The following PDZD9 variants were observed in gnomAD, a reference collection of about 807,000 sequenced individuals.
PDZD9 encodes PDZ domain containing 9, also known as PDZ domain-containing protein 9.
Under a neutral mutation model 16.3 loss-of-function variants are expected in PDZD9, and 13 were observed. That is an observed-to-expected ratio of 0.80 (90% CI 0.52 to 1.27). The LOEUF (loss-of-function observed/expected upper bound fraction) is 1.27. Among genes scored for constraint, PDZD9 ranks in the 50% most tolerant of loss-of-function variants. The pLI, the probability that PDZD9 is intolerant of heterozygous loss-of-function variation, is 0.00. For missense variants in PDZD9, 288 were observed against 310.9 expected (o/e 0.93, Z 0.55); for synonymous variants, 120 against 111.0 (o/e 1.08, Z -0.51).
At chr16:21,991,235 CTT>C (rs200663594) in intron 2 of PDZD9, among the ~76,000 whole-genome samples, 3 of 144,902 alleles carry the variant, frequency 2.1e-5, no homozygotes, top group Non-Finnish European at 1.5e-5. Flanking sequence ...ACATTAATTT[CTT>C]TTTTTTTTTT....
chr16:21,966,161 T>A, the PDZD9 span, among the ~76,000 whole-genome samples: 141,453 of 150,594 alleles, frequency 0.94, 66,839 homozygotes, highest in Non-Finnish European at 0.98. Context: ...AAAAAAAAAA[T>A]ATATATATAT....
intron 2 of PDZD9, among the ~76,000 whole-genome samples, chr16:21,990,747 C>T (rs1016422130): frequency 3.3e-5 from 5 of 152,218 alleles, no homozygotes; most frequent in African/African-American, 1.2e-4. Flanking sequence ...GCTTGGCATT[C>T]TGCTTAATTA....
downstream of PDZD9, chr16:21,980,431 C>A: frequency 9.3e-7 from 1 of 1,069,704 alleles, no homozygotes; most frequent in Non-Finnish European, 1.3e-6. Flanking sequence ...GAGGGAGACA[C>A]GCTGTTACTC....
chr16:21,983,429 G>A, downstream of PDZD9: 1 of 449,656 alleles, frequency 2.2e-6, no homozygotes, highest in South Asian at 5.7e-5. Flanking sequence ...ATGCTTTAAA[G>A]GAGACAGGAA....
At chr16:21,982,234 G>A (rs1471637875), downstream of PDZD9, among the ~76,000 whole-genome samples, 1 of 152,042 alleles carries the variant, frequency 6.6e-6, no homozygotes, top group Non-Finnish European at 1.5e-5. Flanking sequence ...CTCCTTCATA[G>A]TAATAAGATA....
downstream of PDZD9, among the ~76,000 whole-genome samples, chr16:21,979,899 C>T (rs1898674654): frequency 1.3e-5 from 2 of 152,048 alleles, no homozygotes; most frequent in Admixed American, 1.3e-4. Context: ...CATGACTATA[C>T]CTTGAATTTC....
downstream of PDZD9, chr16:21,983,026 GC>G: frequency 6.9e-7 from 1 of 1,439,052 alleles, no homozygotes; most frequent in South Asian, 1.2e-5. Flanking sequence ...AAATAAGTTC[GC>G]CTGCTTGATG....
chr16:21,960,935 A>T, the PDZD9 span, among the ~76,000 whole-genome samples: 1 of 151,996 alleles, frequency 6.6e-6, no homozygotes, highest in Non-Finnish European at 1.5e-5. Context: ...GGCCCAAGCG[A>T]TTCTTCTCCC....
chr16:21,965,998 A>C, the PDZD9 span, among the ~76,000 whole-genome samples: 3 of 151,926 alleles, frequency 2.0e-5, no homozygotes, highest in African/African-American at 7.3e-5. Context: ...TATCTTTTTT[A>C]AACAGTATTT....
intron 3 of PDZD9, among the ~76,000 whole-genome samples, chr16:21,984,891 G>T (rs1010837628): frequency 2.0e-5 from 3 of 152,102 alleles, no homozygotes; most frequent in African/African-American, 7.2e-5. Flanking sequence ...ACCTTAAAAA[G>T]TTTTGCACAG....
At chr16:21,972,443 T>TC in the PDZD9 span, among the ~76,000 whole-genome samples, 5 of 152,238 alleles carry the variant, frequency 3.3e-5, no homozygotes, top group Non-Finnish European at 7.3e-5. Context: ...AGTCTTTTTT[T>TC]CTAGATTTTC....
chr16:21,962,375 C>T, the PDZD9 span: 4 of 1,501,416 alleles, frequency 2.7e-6, no homozygotes, highest in East Asian at 2.3e-5. Flanking sequence ...ATTTTCTTTC[C>T]AAAGGAATTG....
At chr16:21,977,488 T>C in the PDZD9 span, among the ~76,000 whole-genome samples, 1 of 152,112 alleles carries the variant, frequency 6.6e-6, no homozygotes, top group South Asian at 2.1e-4. Flanking sequence ...CCAAAAAAGA[T>C]CTGATTTTGT....
At chr16:21,976,037 G>A in the PDZD9 span, 105 of 601,594 alleles carry the variant, frequency 1.7e-4, no homozygotes, top group African/African-American at 1.7e-3. Flanking sequence ...ACAGCATTCC[G>A]CATGGACACT....
the PDZD9 span, among the ~76,000 whole-genome samples, chr16:21,961,665 TATA>T: frequency 8.2e-6 from 1 of 121,778 alleles, no homozygotes; most frequent in Non-Finnish European, 1.7e-5. Flanking sequence ...TATATATATA[TATA>T]TTTTAGACAG....
the PDZD9 span, chr16:21,965,444 A>C: frequency 6.2e-7 from 1 of 1,613,966 alleles, no homozygotes; most frequent in Non-Finnish European, 8.5e-7. Flanking sequence ...GCTTACCGGA[A>C]TGCCTTGGCT....
chr16:21,985,597 G>A (rs1433168180), intron 3 of PDZD9, among the ~76,000 whole-genome samples: 1 of 152,150 alleles, frequency 6.6e-6, no homozygotes, highest in East Asian at 1.9e-4. Flanking sequence ...CAGAATGAAT[G>A]CTCTGTCACC....
At chr16:21,968,697 G>A in the PDZD9 span, 17 of 1,601,400 alleles carry the variant, frequency 1.1e-5, 1 homozygote, top group South Asian at 1.0e-4. Context: ...TAAGTTTAGA[G>A]TATTGCCTGC....
chr16:21,979,706 C>G (rs946128543), downstream of PDZD9, among the ~76,000 whole-genome samples: 2 of 151,366 alleles, frequency 1.3e-5, no homozygotes, highest in Admixed American at 6.6e-5. Flanking sequence ...TGGGACATTA[C>G]TGTGCACTGC....
Sources: gnomAD v4.1 joint callset for allele counts (sites outside exome capture counted in the v4.1 genomes callset) on GRCh38, gnomAD v4.1.1 for gene constraint, MANE v1.5 for transcripts, NCBI Gene and HGNC (gene_info 2026-07-23, HGNC 2026-07-21) for gene names.